Variants in MIEF2 observed in about 807,000 individuals in gnomAD.
MIEF2 encodes the protein mitochondrial elongation factor 2, also known as mitochondrial dynamics protein MID49.
MIEF2 carries 1 observed loss-of-function variant against 7.4 expected under a neutral mutation model. That is an observed-to-expected ratio of 0.14 (90% CI 0.05 to 0.64). MIEF2 has a LOEUF of 0.64. Among genes scored for constraint, MIEF2 ranks in the 30% least tolerant of loss-of-function variants. The pLI, the probability that MIEF2 is intolerant of heterozygous loss-of-function variation, is 0.85. For missense variants in MIEF2, 569 were observed against 623.9 expected (o/e 0.91, Z 0.94); for synonymous variants, 275 against 290.5 (o/e 0.95, Z 0.54).
chr17:18,262,663 A>G, intron 1 of MIEF2, 51 bp from the exon 2 acceptor site: 1 of 1,514,788 alleles, frequency 6.6e-7, no homozygotes, highest in Non-Finnish European at 8.9e-7. Context: ...CCCCTCTCCC[A>G]GCCTGGCCAC....
chr17:18,264,856 CT>C lies in MIEF2; in HGVS notation c.*97del. The stretch of plus-strand genomic sequence containing the variant: ...GATTTGAATAGTGGTTTTTCTCTAG[CT>C]TTTTGCCAGAACAAAGGAGGGTACA... On this transcript the variant is annotated 3_prime_UTR_variant, in exon 4 of 4. Coordinates refer to ENST00000323019, the MANE Select transcript of MIEF2 (RefSeq NM_139162.4). 1 of 1,491,280 alleles carries C rather than the reference CT, an allele frequency of 6.7e-7. No individual in the cohort carries two copies. 92.4% of individuals were successfully genotyped at this position (1,491,280 alleles called of 1,614,324 possible).
In MIEF2 at chr17:18,264,197, C is replaced by T. The variant is rs1011779554; in HGVS notation, c.798C>T (p.Val266=). The change falls in exon 4 of 4, where the codon GTC becomes GTT. Residue 266 remains valine, a synonymous_variant. Coordinates refer to ENST00000323019, the MANE Select transcript of MIEF2 (RefSeq NM_139162.4). ...TCCGCAAGGCGCTGGCTGCTTCTGT[C>T]AACTGGCCGGCCATTGGCAGCCTTC... ...ELLRKALAAS[V]NWPAIGSLLG... 2 of 1,599,412 alleles carry T rather than the reference C, an allele frequency of 1.3e-6. No homozygotes were observed. Among genetic ancestry groups the T allele is most frequent in the African/African-American group, 2.7e-5 (2 of 74,874 alleles).
At position 18,263,575 on chromosome 17, in the gene MIEF2, A is replaced by G. The variant is rs1567725021; in HGVS notation, c.311-135A>G. ...AGAGCTCACTATATGTGAGGATCTGAACTGAGTGCCTTCTCAGGTGCCACT... is the reference window on the plus strand; with the variant it reads ...AGAGCTCACTATATGTGAGGATCTGGACTGAGTGCCTTCTCAGGTGCCACT... On this transcript the variant is annotated intron_variant, in intron 3 of 3. Transcript: ENST00000323019. The G allele has an allele frequency of 2.5e-6, 3 of 1,206,792 alleles. No homozygotes were observed. In the Admixed American group the frequency reaches 8.2e-5, roughly 33 times the overall value. The allele number at this position is 1,206,792 out of a possible 1,614,324, so 74.8% of individuals were successfully genotyped here.
chr17:18,264,779 G>C lies in MIEF2; in HGVS notation c.*15G>C. 2 of 1,586,622 alleles carry C rather than the reference G, an allele frequency of 1.3e-6. No homozygotes were observed. The highest frequency in any genetic ancestry group is 1.7e-6 in the Non-Finnish European group (2 of 1,161,770). On this transcript the variant is annotated 3_prime_UTR_variant, in exon 4 of 4. Coordinates refer to ENST00000323019, the MANE Select transcript of MIEF2 (RefSeq NM_139162.4). ...GGCTGCTCTAGGTGGGTGGAAACGG[G>C]TGGTTGCCATGTTTTCTAATGCTGG...
intron 1 of MIEF2, 147 bp from the exon 2 acceptor site, chr17:18,262,567 T>C (rs1301086621): frequency 4.2e-6 from 3 of 716,802 alleles, no homozygotes; most frequent in Non-Finnish European, 6.3e-6. Flanking sequence ...GTGGCCCCTT[T>C]CTCTGAGAAA....
rs1265504651 is a variant in MIEF2, at chr17:18,260,750, C to T, written c.-8+13C>T. The T allele has an allele frequency of 1.2e-5, 3 of 248,142 alleles. No individual in the cohort carries two copies. Among genetic ancestry groups the T allele is most frequent in the Non-Finnish European group, 1.6e-5 (2 of 126,644 alleles). 15.4% of individuals were successfully genotyped at this position (248,142 alleles called of 1,614,324 possible). ...AGCTGCGACGCAGGTACAGCTGGAG[C>T]GCGGCGGGGCGGCCCCCAGGGTCAC... On this transcript the variant is annotated intron_variant, in intron 1 of 3. Coordinates refer to ENST00000323019, the MANE Select transcript of MIEF2 (RefSeq NM_139162.4).
Position 18,262,759 on chromosome 17 carries a change from C to T in MIEF2, c.39C>T (p.Ser13=), listed in dbSNP as rs138649022. 2.9e-5 allele frequency: 47 copies of T among 1,607,816 alleles called. No homozygotes were observed. The highest frequency in any genetic ancestry group is 2.3e-4 in the African/African-American group (17 of 74,976). ...CCCAGAAACGGGGGAAGCGGCGTAG[C>T]GACGAAGGGCTGGGCAGCATGGTGG... ...EFSQKRGKRR[S]DEGLGSMVDF... is the part of the protein sequence containing the mutation. Residue 13 remains serine (S), a synonymous_variant, in exon 2 of 4, where the codon AGC becomes AGT. Coordinates refer to ENST00000323019, the MANE Select transcript of MIEF2 (RefSeq NM_139162.4).
intron 1 of MIEF2, chr17:18,261,296 T>C: frequency 1.8e-6 from 2 of 1,112,930 alleles, no homozygotes; most frequent in Non-Finnish European, 1.3e-6. Flanking sequence ...GGTCACCCGG[T>C]TGGCCTGGGA....
chr17:18,261,299 G>A, intron 1 of MIEF2: 2 of 1,002,652 alleles, frequency 2.0e-6, no homozygotes, highest in Non-Finnish European at 1.5e-6. Context: ...CACCCGGTTG[G>A]CCTGGGATCG....
chr17:18,262,830 C>A lies in MIEF2; in HGVS notation c.110C>A (p.Ala37Asp), dbSNP rs1396640645. 6.4e-7 allele frequency: 1 copy of A among 1,557,532 alleles called. No individual in the cohort carries two copies. The change falls in exon 2 of 4, where the codon GCT (alanine) becomes GAT (aspartate). Residue 37 changes from alanine (A) to aspartate (D), a missense_variant. Ala to Asp is a moderately radical substitution (Grantham distance 126). Coordinates refer to ENST00000323019, the MANE Select transcript of MIEF2 (RefSeq NM_139162.4). ...NARLVLGVGG[A>D]AVLGIATLAV... ...CGCCTGGTGCTGGGCGTGGGCGGGG[C>A]TGCTGTGCTGGGCATTGCCACCCTG...
chr17:18,265,857 C>T lies in MIEF2; in HGVS notation c.*1093C>T, dbSNP rs1978721959. 6.6e-6 allele frequency: 1 copy of T among 152,356 alleles called. No homozygotes were observed. The highest frequency in any genetic ancestry group is 2.4e-5 in the African/African-American group (1 of 41,464). The allele number at this position is 152,356 out of a possible 1,614,324, so 9.4% of individuals were successfully genotyped here. On this transcript the variant is annotated 3_prime_UTR_variant, in exon 4 of 4. Transcript: ENST00000323019. ...TTTTCTGTAAGTCCTGTGGCTTGTC[C>T]TGGCACTTTGGCAAGAGTGCTTGAG... is the stretch of plus-strand genomic sequence containing the variant.
Position 18,264,252 on chromosome 17 carries a change from T to G in MIEF2, c.853T>G (p.Ser285Ala), listed in dbSNP as rs1249237771. The change falls in exon 4 of 4, where the codon TCG (serine) becomes GCG (alanine). Residue 285 changes from serine to alanine, a missense_variant. Physicochemically the swap from Ser to Ala is moderately conservative, Grantham distance 99. Transcript: ENST00000323019. Reference protein sequence around the residue: ...LGCLIRPSMASEELLLEVQHE... With the variant: ...LGCLIRPSMAAEELLLEVQHE... ...GTGCCTGATCCGGCCCAGCATGGCC[T>G]CGGAGGAGCTGCTGCTCGAGGTGCA... 2 of 1,605,072 alleles carry G rather than the reference T, an allele frequency of 1.2e-6. No homozygotes were observed. Among genetic ancestry groups the G allele is most frequent in the Non-Finnish European group, 8.5e-7 (1 of 1,179,754 alleles).
rs577690433 is a variant in MIEF2, at chr17:18,266,284, G to A, written c.*1520G>A. On this transcript the variant is annotated 3_prime_UTR_variant, in exon 4 of 4. Transcript: ENST00000323019. ...CCCAGCACTTTGGGAAGCCGAGGCCGGTAGATCACCTGAGGTTGGGAATTC... is the reference window on the plus strand; with the variant it reads ...CCCAGCACTTTGGGAAGCCGAGGCCAGTAGATCACCTGAGGTTGGGAATTC... The A allele has an allele frequency of 1.3e-5, 2 of 152,146 alleles. No individual in the cohort carries two copies. Among genetic ancestry groups the A allele is most frequent in the East Asian group, 1.9e-4 (1 of 5,192 alleles). The allele number at this position is 152,146 out of a possible 1,614,324, so 9.4% of individuals were successfully genotyped here.
At position 18,263,947 on chromosome 17, in the gene MIEF2, A is replaced by G. The variant is rs1978577002; in HGVS notation, c.548A>G (p.Tyr183Cys). 6.3e-7 allele frequency: 1 copy of G among 1,591,046 alleles called. No individual in the cohort carries two copies. The highest frequency in any genetic ancestry group is 1.3e-5 in the African/African-American group (1 of 74,894). Residue 183 changes from tyrosine (Y) to cysteine (C), a missense_variant, in exon 4 of 4, where the codon TAC becomes TGC. Tyr to Cys is a radical substitution (Grantham distance 194). Transcript: ENST00000323019. ...GCATTCGTGCCTGGGGGGCCGCTCT[A>G]CGACGGGCTGCAGGCGGGGGCTGCG... is the stretch of plus-strand genomic sequence containing the variant. ...FGAFVPGGPL[Y>C]DGLQAGAADH...
chr17:18,262,905 G>A lies in MIEF2; in HGVS notation c.147+38G>A, dbSNP rs904600705. Reference sequence around the variant, plus strand: ...GGGCGGGTCATGCCTGAAGCTCCTAGAGGAGGACAACAGGGTTGGGCTTTT... The same window carrying A: ...GGGCGGGTCATGCCTGAAGCTCCTAAAGGAGGACAACAGGGTTGGGCTTTT... On this transcript the variant is annotated intron_variant, in intron 2 of 3. Transcript: ENST00000323019. 4.6e-6 allele frequency: 7 copies of A among 1,528,652 alleles called. No individual in the cohort carries two copies. In the African/African-American group the frequency reaches 9.7e-5, roughly 21 times the overall value. 94.7% of individuals were successfully genotyped at this position (1,528,652 alleles called of 1,614,324 possible). A position where few individuals can be genotyped will look rare whatever the true frequency, so the allele number is the denominator to read the frequency against.
At chr17:18,261,939 C>A (rs114260343) in intron 1 of MIEF2, among the ~76,000 whole-genome samples, 1,578 of 152,382 alleles carry the variant, frequency 0.01, 28 homozygotes, top group African/African-American at 0.036. Context: ...CCTGCCTGGG[C>A]AGCTTGGGCC....
At chr17:18,263,460 G>A (rs1407668785) in intron 3 of MIEF2, 1 of 867,976 alleles carries the variant, frequency 1.2e-6, no homozygotes, top group Non-Finnish European at 1.9e-6. Context: ...GGGAAACTGA[G>A]GTCCAGAGGG....
chr17:18,264,499 G>C lies in MIEF2; in HGVS notation c.1100G>C (p.Cys367Ser). 1 of 1,607,742 alleles carries C rather than the reference G, an allele frequency of 6.2e-7. No homozygotes were observed. The highest frequency in any genetic ancestry group is 8.5e-7 in the Non-Finnish European group (1 of 1,179,896). Residue 367 changes from cysteine to serine, a missense_variant, in exon 4 of 4, where the codon TGC becomes TCC. Cys to Ser is a moderately radical substitution (Grantham distance 112, BLOSUM62 -1). Transcript: ENST00000323019. Reference protein sequence around the residue: ...LLLLCAVCRGCSALGQLGRGH... With the variant: ...LLLLCAVCRGSSALGQLGRGH... ...CTGCTGTGTGCTGTCTGCCGTGGTT[G>C]CTCGGCTCTGGGGCAGCTAGGCCGG... is the stretch of plus-strand genomic sequence containing the variant.
rs1340085652 is a variant in MIEF2, at chr17:18,263,755, C to T, written c.356C>T (p.Ser119Phe). 2 of 1,604,288 alleles carry T rather than the reference C, an allele frequency of 1.2e-6. No homozygotes were observed. Among genetic ancestry groups the T allele is most frequent in the Non-Finnish European group, 1.7e-6 (2 of 1,173,766 alleles). Residue 119 changes from serine (S) to phenylalanine (F), a missense_variant, in exon 4 of 4, where the codon TCC (serine) becomes TTC (phenylalanine). Transcript: ENST00000323019. ...CCTGAGGTGACACCACAGCTCAGCT[C>T]CCCAGCACCGCTGTGTCTGACACTG... is the stretch of plus-strand genomic sequence containing the variant. ...TDPEVTPQLS[S>F]PAPLCLTLQE...
Sources: gnomAD v4.1 joint callset for allele counts (sites outside exome capture counted in the v4.1 genomes callset) on GRCh38, gnomAD v4.1.1 for gene constraint, MANE v1.5 for transcripts, NCBI Gene and HGNC (gene_info 2026-07-23, HGNC 2026-07-21) for gene names.